The following BCDIN3D variants were observed in gnomAD, a reference collection of about 807,000 sequenced individuals.
BCDIN3D encodes the protein RNA 5'-monophosphate methyltransferase.
Under a neutral mutation model 21.2 loss-of-function variants are expected in BCDIN3D, and 15 were observed. The observed-to-expected ratio is 0.71, with a 90% CI of 0.47 to 1.09. BCDIN3D has a LOEUF of 1.09. Among genes scored for constraint, BCDIN3D ranks in the 50% least tolerant of loss-of-function variants. The pLI is 0.00. For missense variants in BCDIN3D, 331 were observed against 366.2 expected (o/e 0.90, Z 0.79); for synonymous variants, 127 against 141.9 (o/e 0.90, Z 0.75).
rs1946528222 is a variant in BCDIN3D at position 49,838,606 on chromosome 12, A to G, written c.644T>C (p.Leu215Pro). ...AAARRLRKLG[L>P]HDFDHFHSLA... ...GGAGTGGAAGTGGTCAAAATCATGGAGTCCCAGCTTTCGGAGACGCCTTGC... is the reference window on the plus strand; with the variant it reads ...GGAGTGGAAGTGGTCAAAATCATGGGGTCCCAGCTTTCGGAGACGCCTTGC... The change falls in exon 2 of 2, where the codon CTC (leucine) becomes CCC (proline). Residue 215 changes from leucine to proline, a missense_variant. Physicochemically the swap from Leu to Pro is moderately conservative, Grantham distance 98. Coordinates refer to ENST00000333924, the MANE Select transcript of BCDIN3D (RefSeq NM_181708.3). The G allele has an allele frequency of 6.2e-7, 1 of 1,613,722 alleles. No individual in the cohort carries two copies. The highest frequency in any genetic ancestry group is 8.5e-7 in the Non-Finnish European group (1 of 1,179,726).
In BCDIN3D at chr12:49,838,221, T is replaced by A; in HGVS notation, c.*150A>T. The A allele has an allele frequency of 1.4e-6, 1 of 738,458 alleles. No homozygotes were observed. The highest frequency in any genetic ancestry group is 2.2e-6 in the Non-Finnish European group (1 of 455,498). The allele number at this position is 738,458 out of a possible 1,614,324, so 45.7% of individuals were successfully genotyped here. On this transcript the variant is annotated 3_prime_UTR_variant, in exon 2 of 2. Coordinates refer to ENST00000333924, the MANE Select transcript of BCDIN3D (RefSeq NM_181708.3). The stretch of plus-strand genomic sequence containing the variant: ...GTTCCAAACAATGGGGAACAGATAC[T>A]GATTCTTTCAATTATGTGCCTTGGA...
At chr12:49,839,120 T>C in intron 1 of BCDIN3D, 105 bp from the exon 2 acceptor site, 27 of 1,332,074 alleles carry the variant, frequency 2.0e-5, no homozygotes, top group Non-Finnish European at 2.7e-5. Flanking sequence ...TCTGGCTGTA[T>C]AGGATGTGAG....
chr12:49,842,058 C>T (rs1946556600), intron 1 of BCDIN3D, among the ~76,000 whole-genome samples: 1 of 152,240 alleles, frequency 6.6e-6, no homozygotes, highest in Non-Finnish European at 1.5e-5. Context: ...TCTCGATCCT[C>T]TCCACTGTAC....
chr12:49,837,285 G>GTTTTTTTTTTTTTTTTTTTT lies in BCDIN3D; in HGVS notation c.*1066_*1085dup, dbSNP rs1185335433. The GTTTTTTTTTTTTTTTTTTTT allele has an allele frequency of 2.2e-5, 2 of 91,914 alleles. No homozygotes were observed. The highest frequency in any genetic ancestry group is 4.3e-5 in the African/African-American group (1 of 23,368). 5.7% of individuals were successfully genotyped at this position (91,914 alleles called of 1,614,324 possible). A position where few individuals can be genotyped will look rare whatever the true frequency, so the allele number is the denominator to read the frequency against. On this transcript the variant is annotated 3_prime_UTR_variant, in exon 2 of 2. Transcript: ENST00000333924. ...CATGTAGGTAGTTGTTTTTTTTTTT[G>GTTTTTTTTTTTTTTTTTTTT]TTTTTTTTTTTTTTTTTTTTGAGAC...
At position 49,838,626 on chromosome 12, in the gene BCDIN3D, C is replaced by A. The variant is rs759768216; in HGVS notation, c.624G>T (p.Arg208Ser). 6.2e-7 allele frequency: 1 copy of A among 1,613,840 alleles called. No individual in the cohort carries two copies. Among genetic ancestry groups the A allele is most frequent in the South Asian group, 1.1e-5 (1 of 91,062 alleles). ...QPWKCYRAAA[R>S]RLRKLGLHDF... ...CATGGAGTCCCAGCTTTCGGAGACG[C>A]CTTGCAGCTGCCCGGTAACACTTCC... The change falls in exon 2 of 2, where the codon AGG becomes AGT. Residue 208 changes from arginine (R) to serine (S), a missense_variant. Arg to Ser is a moderately radical substitution (Grantham distance 110, BLOSUM62 -1). Transcript: ENST00000333924.
In BCDIN3D at chr12:49,836,596, C is replaced by T. The variant is rs1946507294; in HGVS notation, c.*1775G>A. 1 of 152,332 alleles carries T rather than the reference C, an allele frequency of 6.6e-6. No individual in the cohort carries two copies. Among genetic ancestry groups the T allele is most frequent in the South Asian group, 2.1e-4 (1 of 4,826 alleles). 9.4% of individuals were successfully genotyped at this position (152,332 alleles called of 1,614,324 possible). A position where few individuals can be genotyped will look rare whatever the true frequency, so the allele number is the denominator to read the frequency against. Reference sequence around the variant, plus strand: ...CCTCATTTCCATTAGTTCCATATCCCTCCCTCCCAACACTGCTTCCTTTAA... The same window carrying T: ...CCTCATTTCCATTAGTTCCATATCCTTCCCTCCCAACACTGCTTCCTTTAA... On this transcript the variant is annotated 3_prime_UTR_variant, in exon 2 of 2. Coordinates refer to ENST00000333924, the MANE Select transcript of BCDIN3D (RefSeq NM_181708.3).
chr12:49,838,509 TATTA>T lies in BCDIN3D; in HGVS notation c.737_740del (p.Leu246TyrfsTer22), dbSNP rs1482643250. ...CCCAACTGGTGTTGCCAAAGCAACA[TATTA>T]ATTCCATGCCATGATCCTGGGTCAA... On this transcript the variant is annotated frameshift_variant, in exon 2 of 2. Transcript: ENST00000333924. LOFTEE classifies it high-confidence loss of function. 1.9e-6 allele frequency: 3 copies of T among 1,614,136 alleles called. No individual in the cohort carries two copies. The East Asian group carries it at 6.7e-5, about 36-fold the overall frequency.
intron 1 of BCDIN3D, 199 bp downstream of exon 1, chr12:49,842,655 T>C (rs1946561220): frequency 1.8e-6 from 1 of 559,262 alleles, no homozygotes; most frequent in African/African-American, 1.9e-5. Context: ...CGACAAGGAC[T>C]CCTCTCCAAG....
rs1171308212 is a variant in BCDIN3D at position 49,842,874 on chromosome 12, C to A, written c.214G>T (p.Asp72Tyr). 53 of 1,605,750 alleles carry A rather than the reference C, an allele frequency of 3.3e-5. No homozygotes were observed. The highest frequency in any genetic ancestry group is 4.1e-5 in the Non-Finnish European group (48 of 1,175,368). The change falls in exon 1 of 2, where the codon GAC becomes TAC. Residue 72 changes from aspartate (D) to tyrosine (Y), a missense_variant. Physicochemically the swap from Asp to Tyr is radical, Grantham distance 160 (BLOSUM62 -3). Coordinates refer to ENST00000333924, the MANE Select transcript of BCDIN3D (RefSeq NM_181708.3). ...SPENGPILGL[D>Y]VGCNSGDLSV... Reference sequence around the variant, plus strand: ...CTCACCCCGGAGTTACACCCCACGTCGAGCCCCAGAATCGGCCCGTTCTCG... The same window carrying A: ...CTCACCCCGGAGTTACACCCCACGTAGAGCCCCAGAATCGGCCCGTTCTCG...
chr12:49,840,421 CAGA>C (rs1262461907), intron 1 of BCDIN3D: 1 of 152,110 alleles, frequency 6.6e-6, no homozygotes, highest in Non-Finnish European at 1.5e-5. Flanking sequence ...AAGGAAACAA[CAGA>C]AGGCTAGTTG....
In BCDIN3D at chr12:49,837,349, GGGAT is replaced by G; in HGVS notation, c.*1018_*1021del. The G allele has an allele frequency of 3.4e-5, 5 of 145,706 alleles. No individual in the cohort carries two copies. The highest frequency in any genetic ancestry group is 7.5e-5 in the Non-Finnish European group (5 of 66,532). The allele number at this position is 145,706 out of a possible 1,614,324, so 9.0% of individuals were successfully genotyped here. On this transcript the variant is annotated 3_prime_UTR_variant, in exon 2 of 2. Coordinates refer to ENST00000333924, the MANE Select transcript of BCDIN3D (RefSeq NM_181708.3). ...GTCGCCCAGGCTGGAGTGCAGTGGCGGGATCTCGGCTCACTGCAAGCTCCGCCTC... is the reference window on the plus strand; with the variant it reads ...GTCGCCCAGGCTGGAGTGCAGTGGCGCTCGGCTCACTGCAAGCTCCGCCTC...
chr12:49,838,984 A>T lies in BCDIN3D; in HGVS notation c.266T>A (p.Leu89His). ...DLSVALYKHF[L>H]SLPDGETCSD... ...GCAGGTTTCCCCGTCAGGTAGGGAG[A>T]GGAAGTGTTTGTATAGAGCCACACT... Residue 89 changes from leucine to histidine, a missense_variant, in exon 2 of 2, where the codon CTC (leucine) becomes CAC (histidine). Coordinates refer to ENST00000333924, the MANE Select transcript of BCDIN3D (RefSeq NM_181708.3). 1 of 1,613,894 alleles carries T rather than the reference A, an allele frequency of 6.2e-7. No homozygotes were observed. The highest frequency in any genetic ancestry group is 1.1e-5 in the South Asian group (1 of 91,060).
At chr12:49,840,420 A>G (rs767099714) in intron 1 of BCDIN3D, 4 of 152,228 alleles carry the variant, frequency 2.6e-5, no homozygotes, top group South Asian at 2.1e-4. Flanking sequence ...CAAGGAAACA[A>G]CAGAAGGCTA....
intron 1 of BCDIN3D, among the ~76,000 whole-genome samples, chr12:49,841,809 GCTGGA>G (rs1946555174): frequency 6.6e-6 from 1 of 152,196 alleles, no homozygotes; most frequent in African/African-American, 2.4e-5. Context: ...CCCTCCAGAT[GCTGGA>G]CTGGAGTGAT....
In BCDIN3D at chr12:49,838,446, T is replaced by C; in HGVS notation, c.804A>G (p.Ile268Met). ...SLLLFRAKQT[I>M]ETHPIPESLI... ...GTGATTCAGGGATTGGATGAGTCTCTATGGTTTGTTTTGCCCTGAAGAGCA... is the reference window on the plus strand; with the variant it reads ...GTGATTCAGGGATTGGATGAGTCTCCATGGTTTGTTTTGCCCTGAAGAGCA... The change falls in exon 2 of 2, where the codon ATA becomes ATG. Residue 268 changes from isoleucine (I) to methionine (M), a missense_variant. By Grantham distance (10) the Ile-to-Met change is conservative. Coordinates refer to ENST00000333924, the MANE Select transcript of BCDIN3D (RefSeq NM_181708.3). The C allele has an allele frequency of 6.2e-7, 1 of 1,613,722 alleles. No homozygotes were observed. The highest frequency in any genetic ancestry group is 1.1e-5 in the South Asian group (1 of 91,084).
At position 49,836,528 on chromosome 12, in the gene BCDIN3D, C is replaced by G. The variant is rs2137058571; in HGVS notation, c.*1843G>C. Reference sequence around the variant, plus strand: ...TAAATTAAGATCTTGTGGGTAAACTCAGCTCTGTATCTACTGTGATAACTG... The same window carrying G: ...TAAATTAAGATCTTGTGGGTAAACTGAGCTCTGTATCTACTGTGATAACTG... On this transcript the variant is annotated 3_prime_UTR_variant, in exon 2 of 2. Coordinates refer to ENST00000333924, the MANE Select transcript of BCDIN3D (RefSeq NM_181708.3). 6.6e-6 allele frequency: 1 copy of G among 152,304 alleles called. No homozygotes were observed. The highest frequency in any genetic ancestry group is 1.9e-4 in the East Asian group (1 of 5,192). The allele number at this position is 152,304 out of a possible 1,614,324, so 9.4% of individuals were successfully genotyped here. A position where few individuals can be genotyped will look rare whatever the true frequency, so the allele number is the denominator to read the frequency against.
chr12:49,842,633 T>A (rs1018951532), intron 1 of BCDIN3D: 38 of 519,784 alleles, frequency 7.3e-5, no homozygotes, highest in Non-Finnish European at 3.4e-6. Context: ...GAAAGAAAAG[T>A]GGGAACGTAG....
chr12:49,842,768 G>T, intron 1 of BCDIN3D, 86 bp downstream of exon 1: 1 of 1,220,072 alleles, frequency 8.2e-7, no homozygotes, highest in Non-Finnish European at 1.2e-6. Flanking sequence ...GTTTCGATGG[G>T]TGTTAGCCCA....
chr12:49,843,100 A>G lies in BCDIN3D; in HGVS notation c.-13T>C. ...TGGGCACCGCCATTAGCCTCAACAC[A>G]GCCTCTGGGCCGTGGCGGAACCGGA... On this transcript the variant is annotated 5_prime_UTR_variant, in exon 1 of 2. Transcript: ENST00000333924. The G allele has an allele frequency of 6.2e-7, 1 of 1,606,720 alleles. No individual in the cohort carries two copies. Among genetic ancestry groups the G allele is most frequent in the Non-Finnish European group, 8.5e-7 (1 of 1,174,758 alleles).
Sources: gnomAD v4.1 joint callset for allele counts (sites outside exome capture counted in the v4.1 genomes callset) on GRCh38, gnomAD v4.1.1 for gene constraint, MANE v1.5 for transcripts, NCBI Gene and HGNC (gene_info 2026-07-23, HGNC 2026-07-21) for gene names.